METTL15: variants seen among roughly 807,000 people sequenced by gnomAD.
METTL15 encodes methyltransferase 15, mitochondrial 12S rRNA N4-cytidine, also known as 12S rRNA N(4)-cytidine methyltransferase METTL15.
A neutral mutation model predicts 38.3 loss-of-function variants in METTL15; 34 were observed. The observed-to-expected ratio is 0.89, with a 90% CI of 0.68 to 1.18. The LOEUF is 1.18. Ranked by LOEUF, METTL15 falls within the 50% of genes most tolerant of loss-of-function variation. The probability of loss-of-function intolerance (pLI) is 0.00; values close to 1 mark genes in which losing one functional copy is unlikely to be tolerated. For missense variants in METTL15, 438 were observed against 498.4 expected (o/e 0.88, Z 1.15); for synonymous variants, 162 against 170.9 (o/e 0.95, Z 0.41).
At chr11:28,446,362 C>T (rs1380111902) in intron 6 of METTL15, among the ~76,000 whole-genome samples, 5 of 152,136 alleles carry the variant, frequency 3.3e-5, no homozygotes, top group African/African-American at 1.2e-4. Flanking sequence ...CACTGGTGCT[C>T]TCGCCTTTGC....
At chr11:28,383,932 A>G (rs759003985) in intron 5 of METTL15, among the ~76,000 whole-genome samples, 1 of 152,084 alleles carries the variant, frequency 6.6e-6, no homozygotes, top group Non-Finnish European at 1.5e-5. Flanking sequence ...CTTAGTACCC[A>G]TTAGTATTTT....
At chr11:28,399,100 G>T (rs1240690836) in intron 5 of METTL15, 4 of 151,928 alleles carry the variant, frequency 2.6e-5, no homozygotes, top group Non-Finnish European at 5.9e-5. Flanking sequence ...CCAAAACAGA[G>T]ATATAGACCA....
chr11:28,390,416 G>A (rs1484895510), intron 5 of METTL15, among the ~76,000 whole-genome samples: 7 of 152,118 alleles, frequency 4.6e-5, no homozygotes, highest in East Asian at 1.9e-4. Context: ...TAAGGTGTAA[G>A]GAAGGGATCC....
At chr11:28,388,268 T>C (rs1850462332) in intron 5 of METTL15, among the ~76,000 whole-genome samples, 1 of 151,984 alleles carries the variant, frequency 6.6e-6, no homozygotes, top group Admixed American at 6.6e-5. Context: ...ACAAGTGAAA[T>C]TATCACTATT....
chr11:28,451,022 A>G (rs1851115974), intron 6 of METTL15, among the ~76,000 whole-genome samples: 1 of 152,226 alleles, frequency 6.6e-6, no homozygotes, highest in African/African-American at 2.4e-5. Context: ...ATTCCAGGTC[A>G]GCTATGTTTG....
chr11:28,358,215 A>T (rs375368429), intron 4 of METTL15, among the ~76,000 whole-genome samples: 6 of 152,284 alleles, frequency 3.9e-5, no homozygotes, highest in East Asian at 3.9e-4. Context: ...TGAGCCTCTA[A>T]GAGGATTCTG....
intron 4 of METTL15, among the ~76,000 whole-genome samples, chr11:28,262,794 G>A (rs1412805787): frequency 6.6e-6 from 1 of 151,962 alleles, no homozygotes; most frequent in Non-Finnish European, 1.5e-5. Flanking sequence ...CATATTTCTG[G>A]ATCCTTTTCT....
In METTL15 at chr11:28,113,383, T is replaced by C; in HGVS notation, c.49T>C (p.Cys17Arg). The C allele has an allele frequency of 1.3e-6, 2 of 1,594,106 alleles. No individual in the cohort carries two copies. The highest frequency in any genetic ancestry group is 1.1e-5 in the South Asian group (1 of 88,226). Residue 17 changes from cysteine to arginine, a missense_variant, in exon 3 of 7, where the codon TGT (cysteine) becomes CGT (arginine). Coordinates refer to ENST00000407364, the MANE Select transcript of METTL15 (RefSeq NM_001113528.2). ...FCRMYKECLSCWLESGIPNLG... is the reference protein window; with the variant it reads ...FCRMYKECLSRWLESGIPNLG... ...TAGAATGTATAAAGAATGCCTTTCA[T>C]GTTGGTTGGAATCTGGCATACCTAA...
At chr11:28,284,884 G>GGTTT (rs1332026069) in intron 4 of METTL15, among the ~76,000 whole-genome samples, 2 of 152,070 alleles carry the variant, frequency 1.3e-5, no homozygotes, top group Non-Finnish European at 2.9e-5. Context: ...ATGGTGATAT[G>GGTTT]GTTTGGCTCT....
At chr11:28,197,374 ATAAT>A in intron 3 of METTL15, 1 of 254,536 alleles carries the variant, frequency 3.9e-6, no homozygotes, top group Non-Finnish European at 8.5e-6. Flanking sequence ...GCCTTTGTGA[ATAAT>A]TATTTTTTTG....
chr11:28,446,588 T>C (rs1851077064), intron 6 of METTL15, among the ~76,000 whole-genome samples: 1 of 152,164 alleles, frequency 6.6e-6, no homozygotes, highest in Non-Finnish European at 1.5e-5. Context: ...GTTACCTGTT[T>C]GCTAACAACA....
intron 3 of METTL15, among the ~76,000 whole-genome samples, chr11:28,208,609 G>A (rs1238383102): frequency 3.3e-5 from 5 of 152,136 alleles, no homozygotes; most frequent in African/African-American, 7.2e-5. Flanking sequence ...GGAGAGTTCT[G>A]TAGATGTCTA....
intron 4 of METTL15, among the ~76,000 whole-genome samples, chr11:28,271,743 C>A (rs1855647495): frequency 6.6e-6 from 1 of 151,974 alleles, no homozygotes; most frequent in Non-Finnish European, 1.5e-5. Flanking sequence ...AACTAAAGAG[C>A]TCTGCACAGC....
At chr11:28,469,861 T>G (rs963824145) in intron 6 of METTL15, among the ~76,000 whole-genome samples, 2 of 152,122 alleles carry the variant, frequency 1.3e-5, no homozygotes, top group African/African-American at 4.8e-5. Context: ...ATATGTAATA[T>G]TTTACTTTCT....
intron 6 of METTL15, among the ~76,000 whole-genome samples, chr11:28,442,806 A>T (rs1246504834): frequency 6.6e-6 from 1 of 152,204 alleles, no homozygotes; most frequent in Non-Finnish European, 1.5e-5. Flanking sequence ...TATCCTGCTA[A>T]TTCTTACCTT....
chr11:28,506,736 CTTTTTTTT>C (rs71449180), intron 6 of METTL15, among the ~76,000 whole-genome samples: 4,500 of 111,564 alleles, frequency 0.04, 178 homozygotes, highest in African/African-American at 0.14. Flanking sequence ...ATCTCAGTCT[CTTTTTTTT>C]TTTTTTTTTT....
chr11:28,279,148 G>T (rs1251773447), intron 4 of METTL15, among the ~76,000 whole-genome samples: 1 of 152,136 alleles, frequency 6.6e-6, no homozygotes, highest in Non-Finnish European at 1.5e-5. Context: ...GTCATGTAAT[G>T]TCTTTTTTGA....
At chr11:28,354,449 TA>T (rs1850072944) in intron 4 of METTL15, among the ~76,000 whole-genome samples, 1 of 152,220 alleles carries the variant, frequency 6.6e-6, no homozygotes, top group Admixed American at 6.5e-5. Context: ...GAGAGGAACC[TA>T]ACATTGTATG....
chr11:28,326,485 G>A (rs1849637638), intron 6 of METTL15, among the ~76,000 whole-genome samples: 1 of 151,990 alleles, frequency 6.6e-6, no homozygotes, highest in African/African-American at 2.4e-5. Flanking sequence ...AATCCTTTGT[G>A]GTTGGATTAT....
Sources: allele counts gnomAD v4.1 joint callset (sites outside exome capture counted in the v4.1 genomes callset), GRCh38; gene constraint gnomAD v4.1.1; transcripts MANE v1.5; gene names NCBI Gene and HGNC (gene_info 2026-07-23, HGNC 2026-07-21).